STX8: variants seen among roughly 807,000 people sequenced by gnomAD.
STX8 encodes the protein syntaxin-8.
A neutral mutation model predicts 37.5 loss-of-function variants in STX8; 23 were observed. The ratio of observed to expected loss-of-function variants is 0.61; its 90% confidence interval spans 0.44 to 0.87. The LOEUF (loss-of-function observed/expected upper bound fraction) is 0.87, where lower values mean the gene tolerates loss of function less well. Among genes scored for constraint, STX8 ranks in the 40% least tolerant of loss-of-function variants. The pLI is 0.00. For missense variants in STX8, 313 were observed against 284.7 expected, an observed-to-expected ratio of 1.10 and a Z score of -0.71; for synonymous variants, 115 against 99.1, an observed-to-expected ratio of 1.16 and a Z score of -0.95.
intron 7 of STX8, among the ~76,000 whole-genome samples, chr17:9,302,887 T>G (rs11650951): frequency 0.24 from 35,749 of 151,550 alleles, 5,647 homozygotes; most frequent in African/African-American, 0.45. Flanking sequence ...TCAGTATTTT[T>G]ATTGTAGTAG....
At chr17:9,479,189 T>C (rs1385237099) in intron 6 of STX8, among the ~76,000 whole-genome samples, 1 of 152,172 alleles carries the variant, frequency 6.6e-6, no homozygotes, top group Non-Finnish European at 1.5e-5. Flanking sequence ...TCAGTTTAGA[T>C]ATGCTATTGG....
Position 9,373,031 on chromosome 17 carries a change from G to A in STX8, c.643+5521C>T, listed in dbSNP as rs573755358. The stretch of plus-strand genomic sequence containing the variant: ...AGGCAGGAGAATAGCTTGAACCTGG[G>A]AGACGGAGGTTGCAGTGAGCTGAGG... On this transcript the variant is annotated intron_variant, in intron 7 of 7. Coordinates refer to ENST00000306357, the MANE Select transcript of STX8 (RefSeq NM_004853.3). Among the ~76,000 whole-genome samples, 4 of 150,568 alleles carry A rather than the reference G, an allele frequency of 2.7e-5. No individual in the cohort carries two copies. The South Asian group carries it at 8.4e-4, about 32-fold the overall frequency.
At chr17:9,548,909 A>G (rs7406535) in intron 3 of STX8, among the ~76,000 whole-genome samples, 141,303 of 152,208 alleles carry the variant, frequency 0.93, 66,523 homozygotes, top group East Asian at 1. Flanking sequence ...AGGACAACTG[A>G]GGATTAAGGG....
intron 4 of STX8, among the ~76,000 whole-genome samples, chr17:9,513,020 A>C (rs1029704851): frequency 6.6e-6 from 1 of 152,330 alleles, no homozygotes; most frequent in Non-Finnish European, 1.5e-5. Flanking sequence ...AAGCAAAAAG[A>C]AACGAATGAG....
intron 6 of STX8, among the ~76,000 whole-genome samples, chr17:9,476,049 C>A (rs1411749954): frequency 6.6e-6 from 1 of 152,176 alleles, no homozygotes; most frequent in African/African-American, 2.4e-5. Context: ...TATGGTGGCA[C>A]ATGCTTGTAA....
At chr17:9,318,374 G>C (rs1292031534) in intron 7 of STX8, among the ~76,000 whole-genome samples, 12 of 150,484 alleles carry the variant, frequency 8.0e-5, no homozygotes, top group African/African-American at 2.4e-4. Flanking sequence ...TACAACATGT[G>C]GAAGACTCTT....
intron 7 of STX8, among the ~76,000 whole-genome samples, chr17:9,268,560 C>A (rs1907315974): frequency 6.6e-6 from 1 of 152,184 alleles, no homozygotes; most frequent in African/African-American, 2.4e-5. Context: ...AAACAATTCA[C>A]CACCCTAAAG....
At chr17:9,278,942 A>T (rs1907780559) in intron 7 of STX8, among the ~76,000 whole-genome samples, 1 of 152,130 alleles carries the variant, frequency 6.6e-6, no homozygotes, top group Non-Finnish European at 1.5e-5. Flanking sequence ...ATTTACAGAG[A>T]GTCTATTGCA....
intron 6 of STX8, among the ~76,000 whole-genome samples, chr17:9,421,412 A>AAT (rs1555525650): frequency 0.025 from 1,637 of 65,212 alleles, 31 homozygotes; most frequent in Non-Finnish European, 0.031. Context: ...AAAAAAAAAA[A>AAT]TTTTTTTTTT....
chr17:9,508,463 G>T (rs537882722), intron 4 of STX8, among the ~76,000 whole-genome samples: 3 of 152,294 alleles, frequency 2.0e-5, no homozygotes, highest in African/African-American at 7.2e-5. Context: ...GAGTAGCTGG[G>T]ACTACAGGGG....
chr17:9,283,493 C>G (rs1326379198), intron 7 of STX8, among the ~76,000 whole-genome samples: 1 of 152,064 alleles, frequency 6.6e-6, no homozygotes, highest in Non-Finnish European at 1.5e-5. Context: ...TGAGCCAAGA[C>G]CATGCCATTG....
intron 6 of STX8, among the ~76,000 whole-genome samples, chr17:9,385,889 C>T (rs1417420024): frequency 6.6e-6 from 1 of 152,198 alleles, no homozygotes; most frequent in Non-Finnish European, 1.5e-5. Context: ...TCTCCAGCCT[C>T]GCCCTCCTGA....
intron 7 of STX8, among the ~76,000 whole-genome samples, chr17:9,256,922 A>C (rs1336121288): frequency 6.6e-6 from 1 of 152,250 alleles, no homozygotes; most frequent in Admixed American, 6.5e-5. Context: ...TTTCAGAACA[A>C]GGAAAGACAG....
At chr17:9,494,390 G>C (rs577463371) in intron 5 of STX8, among the ~76,000 whole-genome samples, 1 of 151,208 alleles carries the variant, frequency 6.6e-6, no homozygotes, top group Non-Finnish European at 1.5e-5. Flanking sequence ...GCACTTTAGG[G>C]GGCTGAAGCG....
chr17:9,490,852 G>T (rs763381941), intron 6 of STX8, among the ~76,000 whole-genome samples: 1 of 152,172 alleles, frequency 6.6e-6, no homozygotes, highest in Non-Finnish European at 1.5e-5. Context: ...ACTCATAAGC[G>T]ATGTGGTCTC....
chr17:9,351,524 A>G (rs964905124), intron 7 of STX8, among the ~76,000 whole-genome samples: 21 of 152,120 alleles, frequency 1.4e-4, no homozygotes, highest in African/African-American at 5.1e-4. Flanking sequence ...GAATCATATC[A>G]TTGTTAATCT....
At chr17:9,418,695 C>T (rs1913293707) in intron 6 of STX8, among the ~76,000 whole-genome samples, 3 of 151,180 alleles carry the variant, frequency 2.0e-5, no homozygotes, top group Non-Finnish European at 3.0e-5. Flanking sequence ...GGCGTGGTGG[C>T]GGGCGCCTGT....
At position 9,429,383 on chromosome 17, in the gene STX8, T is replaced by C. The variant is rs541554257; in HGVS notation, c.542-50730A>G. ...ATAATAAATATTTATATATAACATA[T>C]ATTTATATATTATAAATATATAAAT... On this transcript the variant is annotated intron_variant, in intron 6 of 7. Transcript: ENST00000306357. 1.0e-3 allele frequency among the ~76,000 whole-genome samples: 150 copies of C among 144,950 alleles called. 1 individual carries two copies. Among genetic ancestry groups the C allele is most frequent in the South Asian group, 3.9e-3 (18 of 4,670 alleles).
chr17:9,415,215 T>C (rs1441878152), intron 6 of STX8, among the ~76,000 whole-genome samples: 1 of 152,146 alleles, frequency 6.6e-6, no homozygotes, highest in Admixed American at 6.5e-5. Context: ...CTCTTTTCCT[T>C]TCTCCAGGCA....
Sources: gnomAD v4.1 joint callset for allele counts (sites outside exome capture counted in the v4.1 genomes callset) on GRCh38, gnomAD v4.1.1 for gene constraint, MANE v1.5 for transcripts, NCBI Gene and HGNC (gene_info 2026-07-23, HGNC 2026-07-21) for gene names.